PTPRT: variants seen among roughly 807,000 people sequenced by gnomAD.
The protein encoded by PTPRT is receptor-type tyrosine-protein phosphatase T.
PTPRT carries 56 observed loss-of-function variants against 176.8 expected under a neutral mutation model. That is an observed-to-expected ratio of 0.32 (90% CI 0.26 to 0.40). PTPRT has a LOEUF of 0.40. Ranked by LOEUF, PTPRT falls within the 10% of genes least tolerant of loss-of-function variation. The pLI, the probability that PTPRT is intolerant of heterozygous loss-of-function variation, is 1.00. For synonymous variants in PTPRT, 783 were observed against 739.0 expected (o/e 1.06, Z -0.96); for missense variants, 1,540 against 1,908.2 (o/e 0.81, Z 3.60).
intron 12 of PTPRT, among the ~76,000 whole-genome samples, chr20:42,303,532 C>T (rs1039099171): frequency 6.6e-6 from 1 of 152,186 alleles, no homozygotes; most frequent in Non-Finnish European, 1.5e-5. Context: ...GCATTTTTCA[C>T]ATGCACAGAT....
intron 18 of PTPRT, among the ~76,000 whole-genome samples, chr20:42,132,146 C>G (rs1330990393): frequency 6.6e-6 from 1 of 152,098 alleles, no homozygotes; most frequent in Non-Finnish European, 1.5e-5. Flanking sequence ...TATGATGTAA[C>G]CAAAATTCAT....
chr20:42,851,712 A>G (rs2145762027), intron 2 of PTPRT, among the ~76,000 whole-genome samples: 1 of 152,228 alleles, frequency 6.6e-6, no homozygotes, highest in South Asian at 2.1e-4. Flanking sequence ...TTTTGCAACT[A>G]CTCAGTTCTG....
chr20:43,022,385 A>G (rs1985725393), intron 1 of PTPRT, among the ~76,000 whole-genome samples: 1 of 152,202 alleles, frequency 6.6e-6, no homozygotes, highest in Non-Finnish European at 1.5e-5. Flanking sequence ...TGCACCATAG[A>G]CACCTGTGGC....
At chr20:42,945,248 T>A (rs1346911339) in intron 1 of PTPRT, among the ~76,000 whole-genome samples, 1 of 152,012 alleles carries the variant, frequency 6.6e-6, no homozygotes, top group African/African-American at 2.4e-5. Context: ...ACCGGTTCCA[T>A]TTTGCAGGTG....
chr20:42,470,867 C>A (rs1893969415), intron 8 of PTPRT, among the ~76,000 whole-genome samples: 1 of 151,214 alleles, frequency 6.6e-6, no homozygotes, highest in African/African-American at 2.4e-5. Flanking sequence ...TTCTTGGAGT[C>A]TCAAGTTATG....
At chr20:42,336,886 T>G (rs941631379) in intron 11 of PTPRT, among the ~76,000 whole-genome samples, 5 of 152,116 alleles carry the variant, frequency 3.3e-5, no homozygotes, top group African/African-American at 1.2e-4. Flanking sequence ...GACTAGGAAA[T>G]AGAAACCTGA....
chr20:42,563,781 C>T (rs976940037), intron 7 of PTPRT, among the ~76,000 whole-genome samples: 1 of 152,174 alleles, frequency 6.6e-6, no homozygotes, highest in Non-Finnish European at 1.5e-5. Context: ...TGTGCATGTG[C>T]GTGTGTGCAC....
chr20:42,448,806 A>G (rs1428456524), intron 8 of PTPRT, among the ~76,000 whole-genome samples: 1 of 151,990 alleles, frequency 6.6e-6, no homozygotes, highest in African/African-American at 2.4e-5. Context: ...AAGAAGAATT[A>G]TTATTGTAGG....
chr20:42,972,676 CAAAAAA>C (rs33947245), intron 1 of PTPRT, among the ~76,000 whole-genome samples: 2 of 77,560 alleles, frequency 2.6e-5, no homozygotes, highest in South Asian at 6.8e-4. Context: ...TCTCAAAAAG[CAAAAAA>C]AAAAAAAAAA....
At position 42,418,839 on chromosome 20, in the gene PTPRT, C is replaced by T. The variant is rs373335915; in HGVS notation, c.1560+29381G>A. Reference sequence around the variant, plus strand: ...CTGGCTGTAGGACACCCTCCCCCGGCGGAGGAGGAAGCTATTAAAGATGAA... The same window carrying T: ...CTGGCTGTAGGACACCCTCCCCCGGTGGAGGAGGAAGCTATTAAAGATGAA... On this transcript the variant is annotated intron_variant, in intron 9 of 30. Coordinates refer to ENST00000373187, the MANE Select transcript of PTPRT (RefSeq NM_007050.6). Among the ~76,000 whole-genome samples, 34 of 152,228 alleles carry T rather than the reference C, an allele frequency of 2.2e-4. No homozygotes were observed. In the East Asian group the frequency reaches 4.7e-3, roughly 21 times the overall value.
At chr20:42,830,461 G>C (rs962973751) in intron 2 of PTPRT, among the ~76,000 whole-genome samples, 16 of 152,082 alleles carry the variant, frequency 1.1e-4, no homozygotes, top group African/African-American at 3.9e-4. Context: ...AATAGTAAGA[G>C]CCATCTATGA....
intron 6 of PTPRT, among the ~76,000 whole-genome samples, chr20:42,705,299 T>G (rs2076036491): frequency 1.3e-5 from 2 of 151,862 alleles, no homozygotes; most frequent in Non-Finnish European, 2.9e-5. Flanking sequence ...TTCACTTGGG[T>G]GCAAGTGGGC....
chr20:42,907,908 T>C (rs2079498637), intron 1 of PTPRT, among the ~76,000 whole-genome samples: 2 of 151,042 alleles, frequency 1.3e-5, no homozygotes, highest in Admixed American at 1.3e-4. Flanking sequence ...AAATAAACCA[T>C]CATGATTGTG....
At chr20:42,190,681 C>T (rs1267784146) in intron 16 of PTPRT, among the ~76,000 whole-genome samples, 1 of 152,170 alleles carries the variant, frequency 6.6e-6, no homozygotes, top group Non-Finnish European at 1.5e-5. Context: ...TGAGAATTTG[C>T]TTGTAACAAG....
chr20:42,774,010 G>T (rs2077099050), intron 4 of PTPRT, among the ~76,000 whole-genome samples: 1 of 152,166 alleles, frequency 6.6e-6, no homozygotes, highest in Admixed American at 6.5e-5. Context: ...CTTTTGCCTT[G>T]ATTCTTTCAT....
At chr20:42,890,911 G>A (rs1430479546) in intron 1 of PTPRT, among the ~76,000 whole-genome samples, 1 of 152,114 alleles carries the variant, frequency 6.6e-6, no homozygotes, top group Non-Finnish European at 1.5e-5. Flanking sequence ...CTGTTCTCCT[G>A]GTAGTAAGTC....
Position 42,082,007 on chromosome 20 carries a change from C to T in PTPRT, c.4147G>A (p.Gly1383Ser). The T allele has an allele frequency of 6.2e-7, 1 of 1,614,208 alleles. No homozygotes were observed. The highest frequency in any genetic ancestry group is 1.7e-4 in the Middle Eastern group (1 of 6,046). The stretch of plus-strand genomic sequence containing the variant: ...ATGGCACAGAAGGTTCCACTACGGC[C>T]TCCCCCATTTCTAAACACAGAGCAA... ...RTVVHCLNGG[G>S]RSGTFCAICS... is the part of the protein sequence containing the mutation. The change falls in exon 30 of 31, where the codon GGC becomes AGC. Residue 1383 changes from glycine (G) to serine (S), a missense_variant. This residue lies in a region of PTPRT where 342 missense variants were observed against 394.0 expected (regional missense o/e 0.87). Coordinates refer to ENST00000373187, the MANE Select transcript of PTPRT (RefSeq NM_007050.6).
chr20:42,935,413 T>G (rs1980126670), intron 1 of PTPRT, among the ~76,000 whole-genome samples: 1 of 152,056 alleles, frequency 6.6e-6, no homozygotes. Context: ...GCAATGGGAT[T>G]ACAGACATGA....
At chr20:42,834,356 A>G (rs2078144722) in intron 2 of PTPRT, among the ~76,000 whole-genome samples, 1 of 152,098 alleles carries the variant, frequency 6.6e-6, no homozygotes, top group South Asian at 2.1e-4. Context: ...GGGAAAAAGG[A>G]AAAAAAATGC....
Sources: allele counts gnomAD v4.1 joint callset (sites outside exome capture counted in the v4.1 genomes callset), GRCh38; gene constraint gnomAD v4.1.1; regional missense constraint gnomAD v4.1.1; transcripts MANE v1.5; gene names NCBI Gene and HGNC (gene_info 2026-07-23, HGNC 2026-07-21).